The following BANP variants were observed in gnomAD, a reference collection of about 807,000 sequenced individuals.
The protein encoded by BANP is protein BANP.
A neutral mutation model predicts 68.1 loss-of-function variants in BANP; 11 were observed. The ratio of observed to expected loss-of-function variants is 0.16; its 90% CI spans 0.10 to 0.27. The LOEUF is 0.27. Ranked by LOEUF, BANP falls within the 10% of genes least tolerant of loss-of-function variation. The pLI, the probability that BANP is intolerant of heterozygous loss-of-function variation, is 1.00. For synonymous variants in BANP, 329 were observed against 303.2 expected (o/e 1.09, Z -0.88); for missense variants, 504 against 722.7 (o/e 0.70, Z 3.47).
intron 12 of BANP, among the ~76,000 whole-genome samples, chr16:88,068,126 G>A (rs981443955): frequency 4.6e-5 from 7 of 152,248 alleles, no homozygotes; most frequent in African/African-American, 1.4e-4. Context: ...AGAGGTGCCC[G>A]AGGTGGAAAG....
chr16:87,974,859 C>T (rs571922735), intron 1 of BANP, among the ~76,000 whole-genome samples, 189 bp from the exon 2 acceptor site: 3 of 152,098 alleles, frequency 2.0e-5, no homozygotes, highest in Non-Finnish European at 2.9e-5. Context: ...CAGCGGGTGG[C>T]GTTTTCAACT....
chr16:88,002,660 C>T lies in BANP; in HGVS notation c.363-1635C>T, dbSNP rs1363647341. On this transcript the variant is annotated intron_variant, in intron 4 of 13. Transcript: ENST00000682872. This position sits in a 1 kb window ranked among gnomAD's most constrained non-coding sequence, Gnocchi z 4.6. ...GGGGCACCCGAGGGGCACATTATTC[C>T]AGTTGGGAGCTGGTTGTCTTAGAAT... Among the ~76,000 whole-genome samples the T allele has an allele frequency of 1.3e-5, 2 of 152,108 alleles. No individual in the cohort carries two copies. The highest frequency in any genetic ancestry group is 6.5e-5 in the Admixed American group (1 of 15,278).
At chr16:87,958,835 C>A (rs2058588139) in intron 1 of BANP, among the ~76,000 whole-genome samples, 2 of 152,236 alleles carry the variant, frequency 1.3e-5, no homozygotes, top group African/African-American at 4.8e-5. Context: ...AGTAGAAAAT[C>A]CACCAGTGAG....
chr16:87,999,895 TCCAGACAC>T (rs200838986), intron 4 of BANP, among the ~76,000 whole-genome samples: 1 of 71,354 alleles, frequency 1.4e-5, no homozygotes, highest in South Asian at 5.9e-4. Flanking sequence ...TACCTGTCCT[TCCAGACAC>T]CCAGACACGT....
intron 10 of BANP, 27 bp downstream of exon 10, chr16:88,035,421 T>C: frequency 6.3e-7 from 1 of 1,579,084 alleles, no homozygotes; most frequent in East Asian, 2.3e-5. Flanking sequence ...TGCAGCACTG[T>C]CCCTGCAGGC....
At chr16:87,995,821 G>T (rs930286095) in intron 4 of BANP, among the ~76,000 whole-genome samples, 3 of 152,262 alleles carry the variant, frequency 2.0e-5, no homozygotes, top group African/African-American at 7.2e-5. Context: ...CTTGGGCTCG[G>T]CGGGGCGCCA....
intron 1 of BANP, among the ~76,000 whole-genome samples, chr16:87,953,263 T>G (rs1180418403): frequency 6.6e-6 from 1 of 152,134 alleles, no homozygotes; most frequent in Non-Finnish European, 1.5e-5. Context: ...AATGAAAGAC[T>G]TACAATGAAA....
At chr16:87,959,192 G>T (rs1344984640) in intron 1 of BANP, among the ~76,000 whole-genome samples, 1 of 152,354 alleles carries the variant, frequency 6.6e-6, no homozygotes, top group South Asian at 2.1e-4. Flanking sequence ...GAAGCCGCTC[G>T]ACTCTGCTGT....
At chr16:88,037,698 G>A (rs1784454581) in intron 10 of BANP, 1 of 476,996 alleles carries the variant, frequency 2.1e-6, no homozygotes. Context: ...AATAAAAAAT[G>A]AAGTAAAAAT....
intron 1 of BANP, among the ~76,000 whole-genome samples, chr16:87,961,409 A>ACC: frequency 7.7e-6 from 1 of 130,394 alleles, no homozygotes; most frequent in Non-Finnish European, 1.8e-5. Context: ...CAGAATCTGC[A>ACC]CCCCCCCGGG....
At chr16:87,989,376 T>A (rs1029356770) in intron 4 of BANP, among the ~76,000 whole-genome samples, 1 of 152,212 alleles carries the variant, frequency 6.6e-6, no homozygotes, top group Non-Finnish European at 1.5e-5. Flanking sequence ...TGTGGACAGT[T>A]CGGTTGGTGC....
At chr16:88,039,915 C>A (rs537190814) in intron 11 of BANP, among the ~76,000 whole-genome samples, 4 of 152,374 alleles carry the variant, frequency 2.6e-5, no homozygotes, top group African/African-American at 9.6e-5. Flanking sequence ...CCCACTCTCT[C>A]TAAGTGGCCT....
At chr16:88,066,740 T>G (rs1352851021) in intron 12 of BANP, among the ~76,000 whole-genome samples, 2 of 152,252 alleles carry the variant, frequency 1.3e-5, no homozygotes, top group African/African-American at 4.8e-5. Flanking sequence ...CAGTTTTTTT[T>G]TCCCCCAGAA....
In BANP at chr16:88,071,411, A is replaced by C; in HGVS notation, c.1378-658A>C. 2.2e-6 allele frequency: 1 copy of C among 452,094 alleles called. No individual in the cohort carries two copies. Among genetic ancestry groups the C allele is most frequent in the South Asian group, 1.6e-5 (1 of 64,024 alleles). 28.0% of individuals were successfully genotyped at this position (452,094 alleles called of 1,614,324 possible). ...ACAGGCGATGGGGTCACCAGAGCCC[A>C]CCCAGGGGCCTCGCCTGTCCCCCAT... On this transcript the variant is annotated intron_variant, in intron 12 of 13. Transcript: ENST00000682872. The surrounding 1 kb of genome is among the most constrained non-coding windows in gnomAD (Gnocchi z 6.5).
At chr16:88,060,865 A>ACCCT (rs1440104759) in intron 11 of BANP, among the ~76,000 whole-genome samples, 8 of 43,354 alleles carry the variant, frequency 1.8e-4, no homozygotes, top group African/African-American at 6.1e-4. Flanking sequence ...CTGCCCGCCC[A>ACCCT]CCCTCCCTCT....
chr16:88,006,292 C>T, intron 6 of BANP, 27 bp downstream of exon 6: 1 of 1,562,170 alleles, frequency 6.4e-7, no homozygotes, highest in South Asian at 1.2e-5. Context: ...TTTCCTCGGC[C>T]AGAGCGCCAG....
At chr16:88,019,540 G>T (rs2075412233) in intron 7 of BANP, among the ~76,000 whole-genome samples, 1 of 135,808 alleles carries the variant, frequency 7.4e-6, no homozygotes, top group Non-Finnish European at 1.6e-5. Flanking sequence ...TCAGCATGCC[G>T]GGGGCGTCCG....
intron 1 of BANP, among the ~76,000 whole-genome samples, chr16:87,973,753 CAAAAAAAAA>C (rs58334556): frequency 4.0e-5 from 4 of 99,482 alleles, no homozygotes; most frequent in Admixed American, 2.1e-4. Flanking sequence ...AACTCCATCA[CAAAAAAAAA>C]AAAAAAAAAA....
chr16:87,980,964 C>G (rs952103252), intron 2 of BANP, 72 bp from the exon 3 acceptor site: 7 of 1,044,820 alleles, frequency 6.7e-6, no homozygotes, highest in Non-Finnish European at 1.0e-5. Context: ...GCACTGTTTA[C>G]TATCTTAATG....
Sources: gnomAD v4.1 joint callset for allele counts (sites outside exome capture counted in the v4.1 genomes callset) on GRCh38, gnomAD v4.1.1 for gene constraint, Gnocchi (gnomAD v3.1) non-coding constraint, MANE v1.5 for transcripts, NCBI Gene and HGNC (gene_info 2026-07-23, HGNC 2026-07-21) for gene names.